Variants in KIAA1328 observed in about 807,000 individuals in gnomAD.
KIAA1328 encodes protein hinderin.
Under a neutral mutation model 68.1 loss-of-function variants are expected in KIAA1328, and 52 were observed. The observed-to-expected ratio is 0.76, with a 90% CI of 0.61 to 0.96. The LOEUF is 0.96. KIAA1328 is among the 40% of genes least tolerant of loss of function. The probability of loss-of-function intolerance (pLI) is 0.00; values close to 1 mark genes in which losing one functional copy is unlikely to be tolerated. For missense variants in KIAA1328, 641 were observed against 677.6 expected, an observed-to-expected ratio of 0.95 and a Z score of 0.60; for synonymous variants, 232 against 239.4, an observed-to-expected ratio of 0.97 and a Z score of 0.28.
At chr18:36,928,593 C>T (rs191343469) in intron 5 of KIAA1328, among the ~76,000 whole-genome samples, 1 of 152,112 alleles carries the variant, frequency 6.6e-6, no homozygotes, top group Non-Finnish European at 1.5e-5. Context: ...TTTAGTACTT[C>T]AAAAATTTTT....
At chr18:37,032,105 A>C (rs1030223733) in intron 6 of KIAA1328, among the ~76,000 whole-genome samples, 6 of 152,176 alleles carry the variant, frequency 3.9e-5, no homozygotes, top group African/African-American at 1.4e-4. Context: ...TCTGGAGCCC[A>C]GGAGGCCAAG....
intron 7 of KIAA1328, among the ~76,000 whole-genome samples, chr18:37,094,506 G>C (rs987980321): frequency 1.2e-4 from 18 of 152,124 alleles, no homozygotes; most frequent in Non-Finnish European, 2.4e-4. Flanking sequence ...TCTACATCTA[G>C]AAGTGAAAGG....
At chr18:37,062,747 G>A (rs555298985) in intron 6 of KIAA1328, among the ~76,000 whole-genome samples, 1 of 152,254 alleles carries the variant, frequency 6.6e-6, no homozygotes, top group South Asian at 2.1e-4. Flanking sequence ...GAGCCACCGC[G>A]CCCGGCCAAT....
At chr18:37,089,556 G>A (rs1197292546) in intron 7 of KIAA1328, among the ~76,000 whole-genome samples, 2 of 151,894 alleles carry the variant, frequency 1.3e-5, no homozygotes, top group Non-Finnish European at 2.9e-5. Context: ...TGTATTTTTA[G>A]TAGAGATAGT....
intron 7 of KIAA1328, among the ~76,000 whole-genome samples, chr18:37,110,051 T>TAA (rs562438432): frequency 3.2e-4 from 45 of 142,470 alleles, no homozygotes; most frequent in Non-Finnish European, 4.2e-4. Flanking sequence ...GTCAGCTGGT[T>TAA]AAAAAAAAAA....
intron 6 of KIAA1328, among the ~76,000 whole-genome samples, chr18:36,987,997 T>A (rs1009222468): frequency 6.6e-6 from 1 of 152,182 alleles, no homozygotes; most frequent in Non-Finnish European, 1.5e-5. Flanking sequence ...ACAACAGAAA[T>A]TTGTAAGCAG....
chr18:37,074,507 T>C (rs2056644366), intron 7 of KIAA1328, among the ~76,000 whole-genome samples: 1 of 152,194 alleles, frequency 6.6e-6, no homozygotes, highest in African/African-American at 2.4e-5. Flanking sequence ...TATTCTTTTT[T>C]CTCTTAACTT....
chr18:37,105,614 C>G (rs779042257), intron 7 of KIAA1328, among the ~76,000 whole-genome samples: 18 of 151,202 alleles, frequency 1.2e-4, no homozygotes, highest in Non-Finnish European at 2.4e-4. Context: ...GTCCTATTCT[C>G]TCTCAGGTTC....
At chr18:36,841,138 C>G (rs1341052144) in intron 3 of KIAA1328, among the ~76,000 whole-genome samples, 1 of 152,034 alleles carries the variant, frequency 6.6e-6, no homozygotes, top group Non-Finnish European at 1.5e-5. Flanking sequence ...AGTGTCTCTA[C>G]TGTTCCCAGT....
chr18:37,108,908 C>A (rs1055494785), intron 7 of KIAA1328, among the ~76,000 whole-genome samples: 1 of 152,082 alleles, frequency 6.6e-6, no homozygotes. Flanking sequence ...AGGTATTTCT[C>A]CTAATACTAT....
intron 5 of KIAA1328, among the ~76,000 whole-genome samples, chr18:36,906,886 T>G (rs907716604): frequency 1.3e-5 from 2 of 152,122 alleles, no homozygotes; most frequent in African/African-American, 4.8e-5. Flanking sequence ...TGATTGAGAT[T>G]GTGTTGAATA....
chr18:37,185,377 A>G lies in KIAA1328; in HGVS notation c.1523+12296A>G, dbSNP rs188400883. Among the ~76,000 whole-genome samples, 384 of 152,202 alleles carry G rather than the reference A, an allele frequency of 2.5e-3. 3 individuals carry two copies. The highest frequency in any genetic ancestry group is 2.2e-3 in the Non-Finnish European group (153 of 68,008). On this transcript the variant is annotated intron_variant, in intron 9 of 9. Transcript: ENST00000280020. ...CAAAATCATGTCTGGAAAACATCAA[A>G]TCTTACTATATTATAGGGAGGACAC... is the stretch of plus-strand genomic sequence containing the variant.
At chr18:37,197,081 A>T (rs1435862621) in intron 9 of KIAA1328, among the ~76,000 whole-genome samples, 6 of 151,998 alleles carry the variant, frequency 3.9e-5, no homozygotes, top group African/African-American at 7.2e-5. Flanking sequence ...ATAGTCATTC[A>T]TAATTGTTTG....
At chr18:36,893,709 G>T (rs2048778650) in intron 5 of KIAA1328, among the ~76,000 whole-genome samples, 1 of 152,034 alleles carries the variant, frequency 6.6e-6, no homozygotes, top group African/African-American at 2.4e-5. Context: ...GCTCATTGCA[G>T]ATTAAAAGCA....
intron 6 of KIAA1328, among the ~76,000 whole-genome samples, chr18:36,991,625 C>G (rs189958387): frequency 2.0e-5 from 3 of 152,184 alleles, no homozygotes; most frequent in Non-Finnish European, 2.9e-5. Flanking sequence ...TCTTAGATAA[C>G]CACCATTCTT....
rs1454677068 is a variant in KIAA1328, at chr18:37,198,519, G to T, written c.1524-23498G>T. On this transcript the variant is annotated intron_variant, in intron 9 of 9. Coordinates refer to ENST00000280020, the MANE Select transcript of KIAA1328 (RefSeq NM_020776.3). The stretch of plus-strand genomic sequence containing the variant: ...GTGGTAGAAGGTAGAAGCCAGATTG[G>T]AATCAACTGAGAAATGGTTTGGTTA... Among the ~76,000 whole-genome samples the T allele has an allele frequency of 3.9e-5, 6 of 152,134 alleles. No homozygotes were observed. In the East Asian group the frequency reaches 1.2e-3, roughly 29 times the overall value.
chr18:37,014,601 C>G (rs111772513), intron 6 of KIAA1328, among the ~76,000 whole-genome samples: 2,381 of 152,272 alleles, frequency 0.016, 28 homozygotes, highest in Non-Finnish European at 0.023. Context: ...AGGAAACTTA[C>G]AATCATGGCA....
downstream of KIAA1328, chr18:37,231,962 C>T (rs147042232): frequency 1.1e-3 from 166 of 152,326 alleles, no homozygotes; most frequent in African/African-American, 3.8e-3. Flanking sequence ...CTCTGGTTTC[C>T]TCTGTTCTTC....
At chr18:37,001,643 A>G (rs1474409656) in intron 6 of KIAA1328, among the ~76,000 whole-genome samples, 1 of 152,160 alleles carries the variant, frequency 6.6e-6, no homozygotes, top group Admixed American at 6.6e-5. Context: ...CAAATCCAAC[A>G]GTACATGAAA....
Sources: allele counts gnomAD v4.1 joint callset (sites outside exome capture counted in the v4.1 genomes callset), GRCh38; gene constraint gnomAD v4.1.1; transcripts MANE v1.5; gene names NCBI Gene and HGNC (gene_info 2026-07-23, HGNC 2026-07-21).